EVPL: variants seen among roughly 807,000 people sequenced by gnomAD.
The protein encoded by EVPL is 210 kDa cornified envelope precursor protein.
In EVPL, 94 loss-of-function variants were observed where a neutral mutation model predicts 129.7. The observed-to-expected ratio is 0.72, with a 90% CI of 0.61 to 0.86. EVPL has a LOEUF of 0.86. EVPL is among the 40% of genes least tolerant of loss of function. EVPL has a pLI of 0.00. For synonymous variants in EVPL, 1,172 were observed against 1,191.1 expected, an observed-to-expected ratio of 0.98 and a Z score of 0.33; for missense variants, 2,625 against 2,721.1, an observed-to-expected ratio of 0.96 and a Z score of 0.79.
In EVPL at chr17:76,019,561, A is replaced by AG; in HGVS notation, c.1103dup (p.Gly369TrpfsTer67). The AG allele has an allele frequency of 1.9e-6, 3 of 1,576,182 alleles. No homozygotes were observed. Among genetic ancestry groups the AG allele is most frequent in the Non-Finnish European group, 2.6e-6 (3 of 1,165,868 alleles). ...GTTGCAGCAGCTCTGTGGGGGCGCC[A>AG]GGGGGGCCCCCAGGTGCAGGGCTGT... On this transcript the variant is annotated frameshift_variant, in exon 10 of 22. Transcript: ENST00000301607. LOFTEE classifies it high-confidence loss of function.
rs777081752 is a variant in EVPL at position 76,024,152 on chromosome 17, G to C, written c.99-32C>G. 2.5e-6 allele frequency: 4 copies of C among 1,599,916 alleles called. No individual in the cohort carries two copies. The highest frequency in any genetic ancestry group is 3.4e-6 in the Non-Finnish European group (4 of 1,171,474). ...TGTGGAGGGGACAGCGGGTAGCTCG[G>C]TGGAAGAGGCCCCTCTGTGCCCCAT... is the stretch of plus-strand genomic sequence containing the variant. On this transcript the variant is annotated intron_variant, in intron 1 of 21. Coordinates refer to ENST00000301607, the MANE Select transcript of EVPL (RefSeq NM_001988.4). The surrounding 1 kb of genome is among the most constrained non-coding windows in gnomAD (Gnocchi z 4.5).
chr17:76,018,834 C>T (rs1033873531), intron 11 of EVPL, 80 bp downstream of exon 11: 20 of 1,346,428 alleles, frequency 1.5e-5, no homozygotes, highest in Non-Finnish European at 1.9e-5. Context: ...GGGGATGGAG[C>T]AGGGATGGGC....
chr17:76,015,605 G>A lies in EVPL; in HGVS notation c.1734C>T (p.Ser578=). 2 of 1,613,374 alleles carry A rather than the reference G, an allele frequency of 1.2e-6. No homozygotes were observed. Among genetic ancestry groups the A allele is most frequent in the Non-Finnish European group, 1.7e-6 (2 of 1,179,966 alleles). The change falls in exon 15 of 22, where the codon AGC becomes AGT. Residue 578 remains serine, a synonymous_variant. Transcript: ENST00000301607. ...GGGCTGTCTCCTTCTCCGTTCCCAG[G>A]CTCTGCAGGCGCTGGGCTGTGCCCT... is the stretch of plus-strand genomic sequence containing the variant. The part of the protein sequence containing the change: ...SHEGTAQRLQ[S]LGTEKETAQK...
chr17:76,009,982 C>A lies in EVPL; in HGVS notation c.3223G>T (p.Val1075Leu), dbSNP rs760658904. ...TCCACCTTGACTACCTCTTTCACCA[C>A]GACCTTCTCCTTCACGTCCACCTCC... ...KREVDVKEKV[V>L]VKEVVKVEKN... is the part of the protein sequence containing the mutation. The change falls in exon 22 of 22, where the codon GTG (valine) becomes TTG (leucine). Residue 1075 changes from valine to leucine, a missense_variant. By Grantham distance (32) the Val-to-Leu change is conservative. Around this residue, in one of 4 missense-constraint regions of EVPL, gnomAD observed 1,453 missense variants for 1,511.8 expected, o/e 0.96. Transcript: ENST00000301607. The surrounding 1 kb of genome is among the most constrained non-coding windows in gnomAD (Gnocchi z 5.9). The A allele has an allele frequency of 2.2e-5, 35 of 1,613,802 alleles. No individual in the cohort carries two copies. The East Asian group carries it at 7.6e-4, about 35-fold the overall frequency.
rs547644932 is a variant in EVPL, at chr17:76,008,347, G to A, written c.4858C>T (p.Leu1620Phe). 2.9e-5 allele frequency: 47 copies of A among 1,604,112 alleles called. No homozygotes were observed. The South Asian group carries it at 4.8e-4, about 17-fold the overall frequency. Residue 1620 changes from leucine to phenylalanine, a missense_variant, in exon 22 of 22, where the codon CTC (leucine) becomes TTC (phenylalanine). Transcript: ENST00000301607. The surrounding 1 kb of genome is among the most constrained non-coding windows in gnomAD (Gnocchi z 7.4). ...TLQLQEESKL[L>F]SQKTESERQK... Reference sequence around the variant, plus strand: ...CGCTCGCTCTCCGTCTTCTGGCTGAGCAGCTTCGACTCCTCCTGCAGCTGC... The same window carrying A: ...CGCTCGCTCTCCGTCTTCTGGCTGAACAGCTTCGACTCCTCCTGCAGCTGC...
intron 15 of EVPL, 34 bp downstream of exon 15, chr17:76,015,416 C>T: frequency 6.2e-7 from 1 of 1,605,476 alleles, no homozygotes. Flanking sequence ...CACGCTGCTG[C>T]CCTGCGTGGC....
At position 76,015,301 on chromosome 17, in the gene EVPL, C is replaced by G. The variant is rs777340177; in HGVS notation, c.1954G>C (p.Glu652Gln). 6.2e-7 allele frequency: 1 copy of G among 1,602,292 alleles called. No homozygotes were observed. Among genetic ancestry groups the G allele is most frequent in the South Asian group, 1.1e-5 (1 of 90,520 alleles). ...GGGGCCTCCTGCACCAGGGTGGCCT[C>G]GAAGCCTCGGATGACCCTGTCCGCA... ...QDADRVIRGFEATLVQEAPIP... is the reference protein window; with the variant it reads ...QDADRVIRGFQATLVQEAPIP... Residue 652 changes from glutamate to glutamine, a missense_variant, in exon 16 of 22, where the codon GAG becomes CAG. By Grantham distance (29) the Glu-to-Gln change is conservative. This residue lies in a region of EVPL where 1,024 missense variants were observed against 997.5 expected (regional missense o/e 1.03). Coordinates refer to ENST00000301607, the MANE Select transcript of EVPL (RefSeq NM_001988.4).
At chr17:76,023,899 C>T (rs1598246125) in intron 2 of EVPL, 122 bp downstream of exon 2, 9 of 1,353,758 alleles carry the variant, frequency 6.6e-6, no homozygotes, top group Non-Finnish European at 6.1e-6. Context: ...CGGTGCAGGA[C>T]AAAGGTCATC....
Position 76,011,634 on chromosome 17 carries a change from G to A in EVPL, c.2603C>T (p.Ala868Val), listed in dbSNP as rs751329608. The A allele has an allele frequency of 2.0e-5, 32 of 1,614,098 alleles. No homozygotes were observed. The South Asian group carries it at 3.4e-4, about 17-fold the overall frequency. The change falls in exon 21 of 22, where the codon GCA (alanine) becomes GTA (valine). Residue 868 changes from alanine to valine, a missense_variant. By Grantham distance (64) the Ala-to-Val change is moderately conservative (BLOSUM62 0). This residue lies in a region of EVPL where 1,024 missense variants were observed against 997.5 expected (regional missense o/e 1.03). Coordinates refer to ENST00000301607, the MANE Select transcript of EVPL (RefSeq NM_001988.4). Reference sequence around the variant, plus strand: ...CTGGAGCAGCTGCTGCTGTGCTGCTGCAACCTCAGTATAGGCCTTTGCAAG... The same window carrying A: ...CTGGAGCAGCTGCTGCTGTGCTGCTACAACCTCAGTATAGGCCTTTGCAAG... ...KNLAKAYTEV[A>V]AAQQQLLQQL...
rs1193718726 is a variant in EVPL, at chr17:76,018,246, C to T, written c.1452G>A (p.Glu484=). 1 of 1,546,540 alleles carries T rather than the reference C, an allele frequency of 6.5e-7. No individual in the cohort carries two copies. The part of the protein sequence containing the change: ...AVARASRLAS[E]LQALKQKLAT... ...CCAATTTCTGCTTCAGGGCCTGCAG[C>T]TCTGAGGCCAGCCTAGAATGAAGAG... Residue 484 remains glutamate, a synonymous_variant, in exon 13 of 22, where the codon GAG becomes GAA. Transcript: ENST00000301607.
At position 76,007,730 on chromosome 17, in the gene EVPL, G is replaced by A; in HGVS notation, c.5475C>T (p.Phe1825=). The A allele has an allele frequency of 6.2e-7, 1 of 1,613,068 alleles. No homozygotes were observed. The highest frequency in any genetic ancestry group is 8.5e-7 in the Non-Finnish European group (1 of 1,179,216). ...SFSLGLGDDS[F]PIAGIYDTTT... ...TTGTGTCATAGATCCCGGCGATAGGGAAGCTGTCATCACCGAGCCCGAGAG... is the reference window on the plus strand; with the variant it reads ...TTGTGTCATAGATCCCGGCGATAGGAAAGCTGTCATCACCGAGCCCGAGAG... Residue 1825 remains phenylalanine (F), a synonymous_variant, in exon 22 of 22, where the codon TTC becomes TTT. Transcript: ENST00000301607. The surrounding 1 kb of genome is among the most constrained non-coding windows in gnomAD (Gnocchi z 8.8).
chr17:76,018,214 A>C lies in EVPL; in HGVS notation c.1484T>G (p.Val495Gly). The C allele has an allele frequency of 6.5e-7, 1 of 1,550,254 alleles. No individual in the cohort carries two copies. Among genetic ancestry groups the C allele is most frequent in the Non-Finnish European group, 8.7e-7 (1 of 1,146,236 alleles). Reference sequence around the variant, plus strand: ...AGCACTGGCCTTCAGGCGGCTCTGGACTGTGGCCAATTTCTGCTTCAGGGC... The same window carrying C: ...AGCACTGGCCTTCAGGCGGCTCTGGCCTGTGGCCAATTTCTGCTTCAGGGC... ...LQALKQKLAT[V>G]QSRLKASAVE... Residue 495 changes from valine to glycine, a missense_variant, in exon 13 of 22, where the codon GTC (valine) becomes GGC (glycine). Val to Gly is a moderately radical substitution (Grantham distance 109). This residue lies in a region of EVPL where 1,024 missense variants were observed against 997.5 expected (regional missense o/e 1.03). Coordinates refer to ENST00000301607, the MANE Select transcript of EVPL (RefSeq NM_001988.4).
Position 76,018,141 on chromosome 17 carries a change from C to T in EVPL, c.1537+20G>A, listed in dbSNP as rs773773376. The T allele has an allele frequency of 2.6e-6, 4 of 1,550,710 alleles. No homozygotes were observed. In the African/African-American group the frequency reaches 5.5e-5, roughly 21 times the overall value. Reference sequence around the variant, plus strand: ...TCCTTCTAGCCCCACAGCCACCTCTCCCCGGGCCACCCTGGGTACCCTGCT... The same window carrying T: ...TCCTTCTAGCCCCACAGCCACCTCTTCCCGGGCCACCCTGGGTACCCTGCT... On this transcript the variant is annotated intron_variant, in intron 13 of 21. Coordinates refer to ENST00000301607, the MANE Select transcript of EVPL (RefSeq NM_001988.4).
chr17:76,018,995 ATCCCGGCT>A lies in EVPL; in HGVS notation c.1195_1202del (p.Ser399CysfsTer34). On this transcript the variant is annotated frameshift_variant, in exon 11 of 22. Transcript: ENST00000301607. LOFTEE classifies it high-confidence loss of function. ...TTCTTCGCTGTGGCAGAGGGGCCAC[ATCCCGGCT>A]TCGCCGCTGCAGGTCCCCAGTGGCC... 6.4e-7 allele frequency: 1 copy of A among 1,566,116 alleles called. No homozygotes were observed. The highest frequency in any genetic ancestry group is 8.6e-7 in the Non-Finnish European group (1 of 1,162,732).
Position 76,019,024 on chromosome 17 carries a change from T to A in EVPL, c.1174A>T (p.Thr392Ser). Reference sequence around the variant, plus strand: ...CGGCTTCGCCGCTGCAGGTCCCCAGTGGCCCTCTCGGTGACGGCCAGCCGT... The same window carrying A: ...CGGCTTCGCCGCTGCAGGTCCCCAGAGGCCCTCTCGGTGACGGCCAGCCGT... ...EKRLAVTERATGDLQRRSRDV... is the reference protein window; with the variant it reads ...EKRLAVTERASGDLQRRSRDV... The change falls in exon 11 of 22, where the codon ACT becomes TCT. Residue 392 changes from threonine (T) to serine (S), a missense_variant. Thr to Ser is a moderately conservative substitution (Grantham distance 58). Coordinates refer to ENST00000301607, the MANE Select transcript of EVPL (RefSeq NM_001988.4). 6.3e-7 allele frequency: 1 copy of A among 1,575,642 alleles called. No homozygotes were observed. The highest frequency in any genetic ancestry group is 1.2e-5 in the South Asian group (1 of 86,680).
Position 76,017,584 on chromosome 17 carries a change from G to C in EVPL, c.1710+155C>G, listed in dbSNP as rs368868469. Among the ~76,000 whole-genome samples the C allele has an allele frequency of 3.2e-4, 48 of 152,316 alleles. No homozygotes were observed. The East Asian group carries it at 5.2e-3, about 17-fold the overall frequency. ...CTGGAGCTGGTCAGTGGAGGAGCCA[G>C]GAGGGGAACCAGCTTGTCTGAGCCC... is the stretch of plus-strand genomic sequence containing the variant. On this transcript the variant is annotated intron_variant, in intron 14 of 21. Coordinates refer to ENST00000301607, the MANE Select transcript of EVPL (RefSeq NM_001988.4).
At chr17:76,011,976 A>G (rs932009054) in intron 19 of EVPL, 30 bp downstream of exon 19, 13 of 1,607,136 alleles carry the variant, frequency 8.1e-6, no homozygotes, top group Non-Finnish European at 1.1e-5. Context: ...TGATGCATGG[A>G]GAGGGGCAAG....
chr17:76,023,180 C>G, intron 4 of EVPL, 112 bp downstream of exon 4: 1 of 1,543,336 alleles, frequency 6.5e-7, no homozygotes, highest in Non-Finnish European at 8.8e-7. Flanking sequence ...TCTGCCCAGA[C>G]CCCTGAGCCA....
rs990267749 is a variant in EVPL, at chr17:76,022,863, C to A, written c.481-325G>T. 3.9e-5 allele frequency among the ~76,000 whole-genome samples: 6 copies of A among 152,122 alleles called. No homozygotes were observed. The highest frequency in any genetic ancestry group is 2.6e-4 in the Admixed American group (4 of 15,272). On this transcript the variant is annotated intron_variant, in intron 4 of 21. Transcript: ENST00000301607. The surrounding 1 kb of genome is among the most constrained non-coding windows in gnomAD (Gnocchi z 5.6). The stretch of plus-strand genomic sequence containing the variant: ...GGCCCTCAGAATGCCCTGCTCCAGC[C>A]GGGCCCTTCCCCACTGTCCCTCTAT...
Sources: gnomAD v4.1 joint callset for allele counts (sites outside exome capture counted in the v4.1 genomes callset) on GRCh38, gnomAD v4.1.1 for gene constraint, gnomAD v4.1.1 regional missense constraint, Gnocchi (gnomAD v3.1) non-coding constraint, MANE v1.5 for transcripts, NCBI Gene and HGNC (gene_info 2026-07-23, HGNC 2026-07-21) for gene names.